The following XPR1 variants were observed in gnomAD, a reference collection of about 807,000 sequenced individuals.
XPR1 encodes the protein xenotropic and polytropic retrovirus receptor 1, also known as solute carrier family 53 member 1.
In XPR1, 28 loss-of-function variants were observed where a neutral mutation model predicts 87.5. The ratio of observed to expected loss-of-function variants is 0.32; its 90% CI spans 0.24 to 0.44. The LOEUF (loss-of-function observed/expected upper bound fraction) is 0.44. XPR1 is among the 20% of genes least tolerant of loss of function. XPR1 has a pLI of 1.00. For synonymous variants in XPR1, 300 were observed against 306.1 expected, an observed-to-expected ratio of 0.98 and a Z score of 0.21; for missense variants, 559 against 862.3, an observed-to-expected ratio of 0.65 and a Z score of 4.41.
At chr1:180,852,136 G>A (rs1037105660) in intron 11 of XPR1, among the ~76,000 whole-genome samples, 1 of 151,864 alleles carries the variant, frequency 6.6e-6, no homozygotes, top group Non-Finnish European at 1.5e-5. Context: ...TATTGTATAG[G>A]GTATAAGGTG....
chr1:180,668,255 A>C (rs1342906235), intron 1 of XPR1, among the ~76,000 whole-genome samples: 1 of 150,890 alleles, frequency 6.6e-6, no homozygotes, highest in Non-Finnish European at 1.5e-5. Flanking sequence ...CAGCCTCCCA[A>C]GTAGTTGGGA....
At chr1:180,840,019 C>T (rs1426079274) in intron 11 of XPR1, among the ~76,000 whole-genome samples, 1 of 151,392 alleles carries the variant, frequency 6.6e-6, no homozygotes, top group African/African-American at 2.4e-5. Context: ...GTCAGGAGAT[C>T]GAGACCATCC....
chr1:180,847,749 A>G (rs886209834), intron 11 of XPR1, among the ~76,000 whole-genome samples: 1 of 152,180 alleles, frequency 6.6e-6, no homozygotes, highest in Non-Finnish European at 1.5e-5. Flanking sequence ...TGGACCATTT[A>G]TTTTTAGGAA....
chr1:180,824,592 GTAGATAGA>G (rs547917798), intron 7 of XPR1, among the ~76,000 whole-genome samples, 153 bp from the exon 8 acceptor site: 6 of 149,740 alleles, frequency 4.0e-5, no homozygotes, highest in Non-Finnish European at 8.8e-5. Context: ...AAATAAATAG[GTAGATAGA>G]TAGATAGATA....
chr1:180,774,251 T>C (rs1648623066), intron 2 of XPR1, among the ~76,000 whole-genome samples: 1 of 152,030 alleles, frequency 6.6e-6, no homozygotes, highest in Non-Finnish European at 1.5e-5. Context: ...TGCTGTGAAA[T>C]CAGAATAAAA....
intron 2 of XPR1, among the ~76,000 whole-genome samples, chr1:180,782,752 A>G (rs369539665): frequency 2.6e-5 from 4 of 152,090 alleles, no homozygotes; most frequent in East Asian, 1.9e-4. Flanking sequence ...AGTTCACTTC[A>G]TAATACCCAT....
At chr1:180,841,113 G>GT (rs918960524) in intron 11 of XPR1, among the ~76,000 whole-genome samples, 2 of 151,320 alleles carry the variant, frequency 1.3e-5, no homozygotes, top group South Asian at 2.1e-4. Flanking sequence ...TTTTACCACA[G>GT]TTTTTTTTTA....
At chr1:180,834,429 A>G (rs1558031570) in intron 9 of XPR1, among the ~76,000 whole-genome samples, 1 of 152,242 alleles carries the variant, frequency 6.6e-6, no homozygotes. Context: ...CATGTATGTA[A>G]TAATTGTGAA....
At position 180,680,355 on chromosome 1, in the gene XPR1, AC is replaced by A. The variant is rs200321082; in HGVS notation, c.70-2003del. Among the ~76,000 whole-genome samples the A allele has an allele frequency of 3.1e-3, 400 of 129,768 alleles. 6 individuals carry two copies. The highest frequency in any genetic ancestry group is 0.01 in the African/African-American group (365 of 35,304). 85.1% of individuals were successfully genotyped at this position (129,768 alleles called of 152,430 possible). ...GATTCCTCAAATAACTACAAATAGA[AC>A]CTTTTTTTTTTTTTTTTTTTTTTTT... On this transcript the variant is annotated intron_variant, in intron 1 of 14. Transcript: ENST00000367590.
chr1:180,792,014 A>G (rs1558010280), intron 3 of XPR1, among the ~76,000 whole-genome samples: 1 of 152,086 alleles, frequency 6.6e-6, no homozygotes, highest in South Asian at 2.1e-4. Context: ...CTCTAGAGTG[A>G]CTCCTGCCAG....
intron 9 of XPR1, among the ~76,000 whole-genome samples, chr1:180,826,604 A>T (rs1019643798): frequency 5.3e-5 from 8 of 152,210 alleles, no homozygotes; most frequent in African/African-American, 1.9e-4. Context: ...GAAAACTTTC[A>T]TATGATTATT....
At chr1:180,864,346 C>CT (rs1011179029) in intron 12 of XPR1, among the ~76,000 whole-genome samples, 23 of 152,080 alleles carry the variant, frequency 1.5e-4, no homozygotes, top group Non-Finnish European at 1.3e-4. Flanking sequence ...TCATCTTAAT[C>CT]TTTTTTTACC....
intron 3 of XPR1, among the ~76,000 whole-genome samples, chr1:180,798,025 TTAAA>T (rs1274699963): frequency 6.6e-6 from 1 of 152,018 alleles, no homozygotes; most frequent in Non-Finnish European, 1.5e-5. Flanking sequence ...TTCTGTTGAC[TTAAA>T]TAAGAGATTT....
chr1:180,865,557 C>T (rs754148433), intron 12 of XPR1, among the ~76,000 whole-genome samples: 5 of 152,080 alleles, frequency 3.3e-5, no homozygotes, highest in Non-Finnish European at 7.4e-5. Flanking sequence ...CCCGCCACCA[C>T]GTCCGGTTAA....
At chr1:180,831,078 A>G (rs1024709850) in intron 9 of XPR1, among the ~76,000 whole-genome samples, 3 of 152,220 alleles carry the variant, frequency 2.0e-5, no homozygotes, top group Non-Finnish European at 4.4e-5. Flanking sequence ...TAATTTCAAG[A>G]TGTACACAGT....
chr1:180,670,028 C>A (rs1208209196), intron 1 of XPR1, among the ~76,000 whole-genome samples: 2 of 152,016 alleles, frequency 1.3e-5, no homozygotes, highest in Non-Finnish European at 2.9e-5. Context: ...ATATGATATT[C>A]TCCTTTGTGT....
chr1:180,863,772 C>G lies in XPR1; in HGVS notation c.1566C>G (p.Ser522=), dbSNP rs1483647550. 7 of 1,610,604 alleles carry G rather than the reference C, an allele frequency of 4.3e-6. No individual in the cohort carries two copies. Among genetic ancestry groups the G allele is most frequent in the Non-Finnish European group, 5.9e-6 (7 of 1,178,520 alleles). Residue 522 remains serine, a synonymous_variant, in exon 12 of 15, where the codon TCC becomes TCG. Coordinates refer to ENST00000367590, the MANE Select transcript of XPR1 (RefSeq NM_004736.4). ...YLWIVFYIIS[S]CYTLIWDLKM... is the part of the protein sequence containing the mutation. ...GGATTGTCTTTTATATCATCAGTTCCTGCTATACCCTCATCTGGGATCTCA... is the reference window on the plus strand; with the variant it reads ...GGATTGTCTTTTATATCATCAGTTCGTGCTATACCCTCATCTGGGATCTCA...
intron 2 of XPR1, among the ~76,000 whole-genome samples, chr1:180,779,907 A>G (rs762326497): frequency 2.6e-5 from 4 of 152,110 alleles, no homozygotes; most frequent in Admixed American, 6.6e-5. Context: ...GACATTTCAT[A>G]TAAATGGATT....
At chr1:180,811,332 A>G (rs1650204606) in intron 6 of XPR1, 75 bp from the exon 7 acceptor site, 31 of 1,173,546 alleles carry the variant, frequency 2.6e-5, no homozygotes, top group Non-Finnish European at 3.7e-5. Context: ...GACTCATTCT[A>G]CTATTTTATT....
Sources: gnomAD v4.1 joint callset for allele counts (sites outside exome capture counted in the v4.1 genomes callset) on GRCh38, gnomAD v4.1.1 for gene constraint, MANE v1.5 for transcripts, NCBI Gene and HGNC (gene_info 2026-07-23, HGNC 2026-07-21) for gene names.